The following GSE1 variants were observed in gnomAD, a reference collection of about 807,000 sequenced individuals.
GSE1 encodes genetic suppressor element 1.
GSE1 carries 32 observed loss-of-function variants against 112.6 expected under a neutral mutation model. The ratio of observed to expected loss-of-function variants is 0.28; its 90% CI spans 0.21 to 0.38. The LOEUF (loss-of-function observed/expected upper bound fraction) is 0.38, where lower values mean the gene tolerates loss of function less well. Among genes scored for constraint, GSE1 ranks in the 10% least tolerant of loss-of-function variants. The pLI, the probability that GSE1 is intolerant of heterozygous loss-of-function variation, is 1.00. For missense variants in GSE1, 2,348 were observed against 1,699.2 expected (o/e 1.38, Z -6.71); for synonymous variants, 1,115 against 735.6 (o/e 1.52, Z -8.35).
At chr16:85,206,277 C>T (rs1269706587) in intron 1 of GSE1, among the ~76,000 whole-genome samples, 2 of 152,026 alleles carry the variant, frequency 1.3e-5, no homozygotes, top group East Asian at 1.9e-4. Context: ...AAGCCCGGGC[C>T]GGAGACCTTC....
In GSE1 at chr16:85,268,308, G is replaced by A. The variant is rs116743029; in HGVS notation, c.2284-89155G>A. The stretch of plus-strand genomic sequence containing the variant: ...AGCATCGCACAGCTGTACTCCCCCC[G>A]CAGTCCTCCTCCTGATAATGATAAT... On this transcript the variant is annotated intron_variant, in intron 1 of 2. Coordinates refer to the GSE1 transcript ENST00000637419. Among the ~76,000 whole-genome samples the A allele has an allele frequency of 8.0e-3, 1,215 of 152,082 alleles. 17 individuals are homozygous for A. The highest frequency in any genetic ancestry group is 0.028 in the African/African-American group (1,164 of 41,444).
At chr16:85,213,500 G>A (rs1257508351) in intron 1 of GSE1, among the ~76,000 whole-genome samples, 2 of 152,150 alleles carry the variant, frequency 1.3e-5, no homozygotes, top group Non-Finnish European at 2.9e-5. Context: ...TAATAACAGT[G>A]CAAAGGACCT....
chr16:85,398,189 G>C (rs2048011695), intron 2 of GSE1, among the ~76,000 whole-genome samples: 1 of 152,184 alleles, frequency 6.6e-6, no homozygotes, highest in African/African-American at 2.4e-5. Context: ...GGGATCACAG[G>C]TTCCCAGGAT....
Position 85,556,174 on chromosome 16 carries a change from G to C in GSE1, c.-153G>C, listed in dbSNP as rs940718039. The C allele has an allele frequency of 1.2e-5, 10 of 863,642 alleles. No homozygotes were observed. The African/African-American group carries it at 1.7e-4, about 15-fold the overall frequency. The allele number at this position is 863,642 out of a possible 1,614,324, so 53.5% of individuals were successfully genotyped here. ...GGGGAAAGACTGATTTTTTTTTTTC[G>C]TCGCTCTCGGGATCGCTCTTCTGCC... On this transcript the variant is annotated 5_prime_UTR_variant, in exon 1 of 3. Transcript: ENST00000635906.
intron 1 of GSE1, among the ~76,000 whole-genome samples, chr16:85,305,755 C>A (rs1469748965): frequency 1.3e-5 from 2 of 152,120 alleles, no homozygotes; most frequent in Non-Finnish European, 2.9e-5. Context: ...GGATTACAGG[C>A]GTGAGTCACT....
At chr16:85,444,392 G>A (rs1273830941) in intron 2 of GSE1, among the ~76,000 whole-genome samples, 2 of 152,176 alleles carry the variant, frequency 1.3e-5, no homozygotes, top group African/African-American at 4.8e-5. Context: ...GAGATGGCAG[G>A]AAGTTCATAG....
At chr16:85,400,263 GTGTGTGTGTGTGTGTGTGTAAT>G (rs1414901356) in intron 2 of GSE1, among the ~76,000 whole-genome samples, 4 of 151,320 alleles carry the variant, frequency 2.6e-5, no homozygotes, top group Non-Finnish European at 4.4e-5. Flanking sequence ...GTGTGTGTGT[GTGTGTGTGTGTGTGTGTGTAAT>G]TGTGTGTGTG....
At chr16:85,213,732 A>G (rs1567614436) in intron 1 of GSE1, among the ~76,000 whole-genome samples, 1 of 152,224 alleles carries the variant, frequency 6.6e-6, no homozygotes, top group African/African-American at 2.4e-5. Context: ...TGCAGGGACC[A>G]CATGACCTTG....
rs57856168 is a variant in GSE1, at chr16:85,260,358, C to T, written c.2283+88551C>T. Among the ~76,000 whole-genome samples the T allele has an allele frequency of 3.9e-3, 391 of 99,920 alleles. 1 individual carries two copies. The highest frequency in any genetic ancestry group is 0.015 in the African/African-American group (376 of 24,622). 65.6% of individuals were successfully genotyped at this position (99,920 alleles called of 152,430 possible). ...TTTTTTTTTGAGATGGAGTCTCGTT[C>T]TGTTGCCCAGGCTGGAGTGCTGTGG... is the stretch of plus-strand genomic sequence containing the variant. On this transcript the variant is annotated intron_variant, in intron 1 of 2. Coordinates refer to the GSE1 transcript ENST00000637419.
At chr16:85,552,676 G>T (rs2044985044), upstream of GSE1, among the ~76,000 whole-genome samples, 1 of 152,212 alleles carries the variant, frequency 6.6e-6, no homozygotes, top group African/African-American at 2.4e-5. Flanking sequence ...TTGCCTGGAA[G>T]CCAGGCTGAT....
intron 13 of GSE1, among the ~76,000 whole-genome samples, chr16:85,666,851 AC>A (rs1567762747): frequency 6.6e-6 from 1 of 152,228 alleles, no homozygotes; most frequent in Non-Finnish European, 1.5e-5. Context: ...TTTGGATTCA[AC>A]CAGCTTCAGA....
chr16:85,305,712 G>A (rs2045660156), intron 1 of GSE1, among the ~76,000 whole-genome samples: 1 of 152,070 alleles, frequency 6.6e-6, no homozygotes. Context: ...CCGACCTCAG[G>A]TGATCCACCT....
chr16:85,524,519 C>T (rs1218472030), intron 2 of GSE1, among the ~76,000 whole-genome samples: 1 of 152,076 alleles, frequency 6.6e-6, no homozygotes, highest in Non-Finnish European at 1.5e-5. Context: ...CTGGGTCTTG[C>T]AGTCTGCATC....
At chr16:85,656,744 G>A (rs1350619863) in intron 7 of GSE1, 79 bp downstream of exon 7, 25 of 1,432,098 alleles carry the variant, frequency 1.7e-5, no homozygotes, top group South Asian at 7.4e-5. Context: ...AGCACCTGCC[G>A]GTTGCCGTGG....
chr16:85,459,880 T>C lies in GSE1; in HGVS notation c.2464+102237T>C, dbSNP rs185561113. Among the ~76,000 whole-genome samples, 353 of 152,362 alleles carry C rather than the reference T, an allele frequency of 2.3e-3. 2 individuals are homozygous for C. The highest frequency in any genetic ancestry group is 2.3e-3 in the Non-Finnish European group (159 of 68,020). ...GGGGGTTGCTGACGCCCAGGGAAGC[T>C]GAGCGATTCCCCCAGCTCACGCAGT... On this transcript the variant is annotated intron_variant, in intron 2 of 2. Coordinates refer to the GSE1 transcript ENST00000637419.
chr16:85,413,392 T>C (rs2048628905), intron 2 of GSE1, among the ~76,000 whole-genome samples: 1 of 152,122 alleles, frequency 6.6e-6, no homozygotes, highest in African/African-American at 2.4e-5. Flanking sequence ...GGGAGATTGA[T>C]GTCACCATCT....
At position 85,666,250 on chromosome 16, in the gene GSE1, G is replaced by C. The variant is rs751226896; in HGVS notation, c.3033G>C (p.Lys1011Asn). The C allele has an allele frequency of 1.7e-5, 28 of 1,613,760 alleles. No homozygotes were observed. Among genetic ancestry groups the C allele is most frequent in the Non-Finnish European group, 2.4e-5 (28 of 1,180,052 alleles). The change falls in exon 13 of 16, where the codon AAG becomes AAC. Residue 1011 changes from lysine (K) to asparagine (N), a missense_variant. Physicochemically the swap from Lys to Asn is moderately conservative, Grantham distance 94. Transcript: ENST00000253458. The part of the protein sequence containing the change: ...PVPLSHSTNG[K>N]SKPWEPFVAE... ...CGCTGTCCCACAGCACCAATGGGAA[G>C]AGCAAGCCGTGGGAGCCCTTTGTGG... is the stretch of plus-strand genomic sequence containing the variant.
chr16:85,449,809 G>A (rs1380303621), intron 2 of GSE1, among the ~76,000 whole-genome samples: 2 of 152,176 alleles, frequency 1.3e-5, no homozygotes, highest in African/African-American at 2.4e-5. Flanking sequence ...TAGAAGGGTT[G>A]CATTTGAAGA....
At chr16:85,240,532 G>A (rs1905087286) in intron 1 of GSE1, among the ~76,000 whole-genome samples, 1 of 152,184 alleles carries the variant, frequency 6.6e-6, no homozygotes, top group Non-Finnish European at 1.5e-5. Flanking sequence ...GTCCTGGCAG[G>A]GGCGAGGGGC....
Sources: allele counts gnomAD v4.1 joint callset (sites outside exome capture counted in the v4.1 genomes callset), GRCh38; gene constraint gnomAD v4.1.1; transcripts MANE v1.5; gene names NCBI Gene and HGNC (gene_info 2026-07-23, HGNC 2026-07-21).